CHRM5: variants seen among roughly 807,000 people sequenced by gnomAD.
CHRM5 encodes the protein muscarinic acetylcholine receptor M5.
A neutral mutation model predicts 39.0 loss-of-function variants in CHRM5; 18 were observed. That is an observed-to-expected ratio of 0.46 (90% CI 0.32 to 0.68). The LOEUF is 0.68. CHRM5 is among the 30% of genes least tolerant of loss of function. The pLI, the probability that CHRM5 is intolerant of heterozygous loss-of-function variation, is 0.04. For synonymous variants in CHRM5, 241 were observed against 246.3 expected (o/e 0.98, Z 0.20); for missense variants, 515 against 651.1 (o/e 0.79, Z 2.28).
intron 2 of CHRM5, among the ~76,000 whole-genome samples, chr15:34,053,319 AATATAT>A (rs71119922): frequency 3.8e-4 from 16 of 42,068 alleles, no homozygotes; most frequent in African/African-American, 1.1e-3. Context: ...AAAAAAAAAA[AATATAT>A]ATATATATAT....
intron 1 of CHRM5, among the ~76,000 whole-genome samples, chr15:34,012,495 A>T (rs548944398): frequency 1.8e-4 from 27 of 152,306 alleles, no homozygotes; most frequent in African/African-American, 6.5e-4. Context: ...CTTCAGGTAC[A>T]TCTGCCTCTC....
At chr15:34,045,901 A>G (rs2140814267) in intron 1 of CHRM5, among the ~76,000 whole-genome samples, 1 of 152,338 alleles carries the variant, frequency 6.6e-6, no homozygotes, top group Middle Eastern at 3.4e-3. Context: ...GGAAACCCAG[A>G]GGCTTTTATT....
intron 1 of CHRM5, among the ~76,000 whole-genome samples, chr15:34,019,543 C>A (rs1351990706): frequency 6.6e-6 from 1 of 152,208 alleles, no homozygotes. Flanking sequence ...CACTCACTCA[C>A]TGACTCACTC....
intron 1 of CHRM5, among the ~76,000 whole-genome samples, chr15:33,980,652 GAA>G (rs1462955179): frequency 1.3e-5 from 2 of 152,126 alleles, no homozygotes. Context: ...GTGACACACA[GAA>G]AAGAGAGGCA....
At chr15:34,049,586 T>C (rs999423433) in intron 2 of CHRM5, among the ~76,000 whole-genome samples, 1 of 151,972 alleles carries the variant, frequency 6.6e-6, no homozygotes, top group Non-Finnish European at 1.5e-5. Context: ...ACAGGGAGAA[T>C]GGAACCGAGT....
chr15:34,060,744 G>A (rs376425921), intron 2 of CHRM5, among the ~76,000 whole-genome samples: 2 of 152,146 alleles, frequency 1.3e-5, no homozygotes, highest in East Asian at 3.9e-4. Context: ...AGGCTTGGTG[G>A]CTGTAATCCC....
At chr15:34,060,292 T>C (rs1167364140) in intron 2 of CHRM5, among the ~76,000 whole-genome samples, 2 of 152,200 alleles carry the variant, frequency 1.3e-5, no homozygotes, top group Non-Finnish European at 2.9e-5. Context: ...TCAGTTAGAC[T>C]GCATGTGTTT....
chr15:34,042,352 C>T (rs866468008), intron 1 of CHRM5, among the ~76,000 whole-genome samples: 3 of 150,556 alleles, frequency 2.0e-5, no homozygotes, highest in African/African-American at 7.3e-5. Flanking sequence ...TCCTTAGAAA[C>T]GAAACTGTAC....
chr15:34,046,887 A>T lies in CHRM5; in HGVS notation c.-76+16A>T, dbSNP rs751096559. The T allele has an allele frequency of 6.6e-6, 1 of 151,886 alleles. No individual in the cohort carries two copies. Among genetic ancestry groups the T allele is most frequent in the Non-Finnish European group, 1.5e-5 (1 of 68,064 alleles). 9.4% of individuals were successfully genotyped at this position (151,886 alleles called of 1,614,324 possible). A position where few individuals can be genotyped will look rare whatever the true frequency, so the allele number is the denominator to read the frequency against. On this transcript the variant is annotated intron_variant, in intron 2 of 2. Transcript: ENST00000383263. ...AAGGGAAGCGGTGAGTGATTGTGCG[A>T]CCCCACCGGGGAAACCACATTTCTC...
chr15:34,024,261 T>C (rs570171260), intron 1 of CHRM5, among the ~76,000 whole-genome samples: 9 of 152,238 alleles, frequency 5.9e-5, no homozygotes, highest in African/African-American at 2.2e-4. Context: ...AATGCTATTA[T>C]AAATACATAA....
In CHRM5 at chr15:34,043,904, GT is replaced by G. The variant is rs1899583172; in HGVS notation, c.-407-2635del. On this transcript the variant is annotated intron_variant, in intron 1 of 2. Transcript: ENST00000383263. ...ATATTGTCTGCCTTCCTTCCTGTTA[GT>G]ATAGAGGGGTCTCTGTCCCAGTCCA... Among the ~76,000 whole-genome samples, 5 of 152,022 alleles carry G rather than the reference GT, an allele frequency of 3.3e-5. No homozygotes were observed. The South Asian group carries it at 1.0e-3, about 32-fold the overall frequency.
chr15:34,049,666 T>C (rs930130322), intron 2 of CHRM5, among the ~76,000 whole-genome samples: 2 of 151,858 alleles, frequency 1.3e-5, no homozygotes, highest in African/African-American at 4.8e-5. Context: ...AACGTTCAAA[T>C]TGAAAAAATG....
At position 34,063,678 on chromosome 15, in the gene CHRM5, C is replaced by T. The variant is rs763934955; in HGVS notation, c.961C>T (p.Leu321Phe). ...DEDKPATDPV[L>F]QVVYKSQGKE... is the part of the protein sequence containing the mutation. Reference sequence around the variant, plus strand: ...GGACAAGCCCGCCACTGACCCTGTCCTCCAAGTGGTCTACAAGAGTCAGGG... The same window carrying T: ...GGACAAGCCCGCCACTGACCCTGTCTTCCAAGTGGTCTACAAGAGTCAGGG... Residue 321 changes from leucine (L) to phenylalanine (F), a missense_variant, in exon 3 of 3, where the codon CTC becomes TTC. Physicochemically the swap from Leu to Phe is conservative, Grantham distance 22. Coordinates refer to ENST00000383263, the MANE Select transcript of CHRM5 (RefSeq NM_012125.4). This position sits in a 1 kb window ranked among gnomAD's most constrained non-coding sequence, Gnocchi z 4.1. 40 of 1,614,056 alleles carry T rather than the reference C, an allele frequency of 2.5e-5. No homozygotes were observed. In the South Asian group the frequency reaches 4.2e-4, roughly 17 times the overall value.
chr15:33,987,544 C>T (rs1355844078), intron 1 of CHRM5, among the ~76,000 whole-genome samples: 1 of 152,190 alleles, frequency 6.6e-6, no homozygotes, highest in Non-Finnish European at 1.5e-5. Flanking sequence ...CATCTCTTTG[C>T]CCATCCCCTT....
intron 1 of CHRM5, among the ~76,000 whole-genome samples, chr15:33,975,820 C>T (rs1411735240): frequency 2.6e-5 from 4 of 152,154 alleles, no homozygotes; most frequent in African/African-American, 2.4e-5. Flanking sequence ...GTCCCAGCTA[C>T]TCGGGAGGCT....
At chr15:34,029,750 G>A (rs2140754462) in intron 1 of CHRM5, among the ~76,000 whole-genome samples, 1 of 152,194 alleles carries the variant, frequency 6.6e-6, no homozygotes, top group Middle Eastern at 3.4e-3. Context: ...TAACTTCCTT[G>A]GAAGGAATTG....
intron 1 of CHRM5, among the ~76,000 whole-genome samples, chr15:34,030,464 G>A (rs958217068): frequency 6.6e-6 from 1 of 152,016 alleles, no homozygotes; most frequent in African/African-American, 2.4e-5. Flanking sequence ...TCCTGCCTCA[G>A]CCTCTCAAGT....
At chr15:34,016,052 G>A (rs60163404) in intron 1 of CHRM5, among the ~76,000 whole-genome samples, 8,135 of 152,180 alleles carry the variant, frequency 0.053, 720 homozygotes, top group African/African-American at 0.18. Flanking sequence ...CAAGGTGGGC[G>A]GATCGCCTGA....
chr15:34,033,423 T>C (rs1198072762), intron 1 of CHRM5, among the ~76,000 whole-genome samples: 1 of 152,002 alleles, frequency 6.6e-6, no homozygotes, highest in Non-Finnish European at 1.5e-5. Context: ...GGAGAATTGC[T>C]TGAACCCAAG....
Sources: gnomAD v4.1 joint callset for allele counts (sites outside exome capture counted in the v4.1 genomes callset) on GRCh38, gnomAD v4.1.1 for gene constraint, Gnocchi (gnomAD v3.1) non-coding constraint, MANE v1.5 for transcripts, NCBI Gene and HGNC (gene_info 2026-07-23, HGNC 2026-07-21) for gene names.